NPSR1: variants seen among roughly 807,000 people sequenced by gnomAD.
NPSR1 encodes neuropeptide S receptor 1, also known as neuropeptide S receptor.
A neutral mutation model predicts 46.9 loss-of-function variants in NPSR1; 48 were observed. That is an observed-to-expected ratio of 1.02 (90% CI 0.81 to 1.30). The LOEUF (loss-of-function observed/expected upper bound fraction) is 1.30, where lower values mean the gene tolerates loss of function less well. Ranked by LOEUF, NPSR1 falls within the 50% of genes most tolerant of loss-of-function variation. The pLI, the probability that NPSR1 is intolerant of heterozygous loss-of-function variation, is 0.00. For synonymous variants in NPSR1, 176 were observed against 168.1 expected (o/e 1.05, Z -0.36); for missense variants, 450 against 449.5 (o/e 1.00, Z -0.01).
At chr7:34,766,273 T>C (rs917582541) in intron 2 of NPSR1, among the ~76,000 whole-genome samples, 11 of 152,114 alleles carry the variant, frequency 7.2e-5, no homozygotes, top group South Asian at 2.1e-4. Flanking sequence ...TGCAGCAACA[T>C]TGGAAAACTG....
chr7:34,708,501 A>C (rs1794219864), intron 2 of NPSR1, among the ~76,000 whole-genome samples: 1 of 152,204 alleles, frequency 6.6e-6, no homozygotes, highest in Admixed American at 6.5e-5. Context: ...AAAGCAGGAG[A>C]AATAGATGCT....
intron 3 of NPSR1, among the ~76,000 whole-genome samples, chr7:34,792,643 A>ATATATGTATATATATATTTT (rs1787946337): frequency 3.3e-5 from 3 of 91,514 alleles, no homozygotes; most frequent in African/African-American, 8.1e-5. Context: ...GTGTATGTGT[A>ATATATGTATATATATATTTT]TATATATATG....
chr7:34,726,836 AT>A (rs1363387093), intron 2 of NPSR1, among the ~76,000 whole-genome samples: 1 of 146,280 alleles, frequency 6.8e-6, no homozygotes, highest in Non-Finnish European at 1.5e-5. Flanking sequence ...AAAAAAAAAA[AT>A]CAGCAGCTTT....
intron 2 of NPSR1, among the ~76,000 whole-genome samples, chr7:34,737,805 G>A (rs559993616): frequency 6.6e-6 from 1 of 152,116 alleles, no homozygotes; most frequent in African/African-American, 2.4e-5. Context: ...ATCTTCTTCT[G>A]TACTTAGGGA....
chr7:34,680,204 ATTAT>A (rs1442318350), intron 1 of NPSR1, among the ~76,000 whole-genome samples: 4 of 152,184 alleles, frequency 2.6e-5, no homozygotes, highest in African/African-American at 9.6e-5. Context: ...CGGAAAGAAA[ATTAT>A]TTGCCATTGA....
chr7:34,679,384 G>A (rs1479561080), intron 1 of NPSR1, among the ~76,000 whole-genome samples: 1 of 151,896 alleles, frequency 6.6e-6, no homozygotes, highest in African/African-American at 2.4e-5. Context: ...GATAAACAAA[G>A]ATATACCATT....
chr7:34,746,914 C>G (rs1316621310), intron 2 of NPSR1, among the ~76,000 whole-genome samples: 1 of 151,988 alleles, frequency 6.6e-6, no homozygotes, highest in African/African-American at 2.4e-5. Flanking sequence ...ATCACGAGGT[C>G]AAGAGATCGA....
chr7:34,763,636 C>A (rs1786286513), intron 2 of NPSR1, among the ~76,000 whole-genome samples: 1 of 152,150 alleles, frequency 6.6e-6, no homozygotes, highest in African/African-American at 2.4e-5. Context: ...AAGGAGGTAA[C>A]CTTGAATTAA....
chr7:34,875,070 T>C (rs1791543715), intron 8 of NPSR1, among the ~76,000 whole-genome samples: 2 of 152,200 alleles, frequency 1.3e-5, no homozygotes, highest in Non-Finnish European at 2.9e-5. Flanking sequence ...TATATTCTAT[T>C]CTCGTCCCTA....
At chr7:34,697,722 A>C (rs911752219) in intron 2 of NPSR1, among the ~76,000 whole-genome samples, 3 of 151,834 alleles carry the variant, frequency 2.0e-5, no homozygotes, top group African/African-American at 7.2e-5. Flanking sequence ...AGTTGATAGA[A>C]TCCATGGATG....
intron 3 of NPSR1, among the ~76,000 whole-genome samples, chr7:34,781,489 G>C (rs1045119005): frequency 6.6e-6 from 1 of 152,178 alleles, no homozygotes; most frequent in Non-Finnish European, 1.5e-5. Flanking sequence ...GATTTGGCTA[G>C]GAACAAAGAA....
At chr7:34,667,563 C>A (rs1265797526) in intron 1 of NPSR1, among the ~76,000 whole-genome samples, 1 of 152,102 alleles carries the variant, frequency 6.6e-6, no homozygotes, top group Non-Finnish European at 1.5e-5. Flanking sequence ...ACACTCCATC[C>A]TCAAAGACTC....
chr7:34,729,256 TCA>T (rs1784309077), intron 2 of NPSR1, among the ~76,000 whole-genome samples: 1 of 152,156 alleles, frequency 6.6e-6, no homozygotes, highest in African/African-American at 2.4e-5. Context: ...TTGATTGTTC[TCA>T]GTTTTCCCCT....
intron 2 of NPSR1, among the ~76,000 whole-genome samples, chr7:34,748,025 T>C (rs980479444): frequency 2.0e-5 from 3 of 152,118 alleles, no homozygotes; most frequent in Non-Finnish European, 2.9e-5. Context: ...GAGAACATAA[T>C]TGACATGCAC....
intron 1 of NPSR1, among the ~76,000 whole-genome samples, chr7:34,677,517 T>A (rs1792379664): frequency 6.6e-6 from 1 of 152,204 alleles, no homozygotes; most frequent in Non-Finnish European, 1.5e-5. Flanking sequence ...GCTATCAGAA[T>A]GTAATTTCAG....
chr7:34,809,665 G>C (rs1002492138), intron 3 of NPSR1, among the ~76,000 whole-genome samples: 1 of 151,816 alleles, frequency 6.6e-6, no homozygotes, highest in South Asian at 2.1e-4. Context: ...GGGTTTCACC[G>C]TTTTAGCCGG....
intron 2 of NPSR1, among the ~76,000 whole-genome samples, chr7:34,692,398 A>G (rs948121444): frequency 6.6e-6 from 1 of 152,206 alleles, no homozygotes; most frequent in Non-Finnish European, 1.5e-5. Flanking sequence ...ACCAACGGGC[A>G]CCTTCAAAAA....
chr7:34,695,988 A>C (rs1409771494), intron 2 of NPSR1, among the ~76,000 whole-genome samples: 1 of 151,946 alleles, frequency 6.6e-6, no homozygotes, highest in Non-Finnish European at 1.5e-5. Flanking sequence ...CTATATAAAA[A>C]AGACATTTGC....
chr7:34,766,659 G>A (rs1402480558), intron 2 of NPSR1, among the ~76,000 whole-genome samples: 4 of 151,682 alleles, frequency 2.6e-5, no homozygotes, highest in South Asian at 2.1e-4. Flanking sequence ...TGCAAGCTCC[G>A]CCTCCTGGGT....
Sources: gnomAD v4.1 joint callset for allele counts (sites outside exome capture counted in the v4.1 genomes callset) on GRCh38, gnomAD v4.1.1 for gene constraint, MANE v1.5 for transcripts, NCBI Gene and HGNC (gene_info 2026-07-23, HGNC 2026-07-21) for gene names.